Variants in LRRIQ1 observed in about 807,000 individuals in gnomAD.
LRRIQ1 encodes the protein leucine-rich repeat- and IQ domain-containing protein 1.
In LRRIQ1, 210 loss-of-function variants were observed where a neutral mutation model predicts 211.9. That is an observed-to-expected ratio of 0.99 (90% CI 0.89 to 1.11). The LOEUF is 1.11. Ranked by LOEUF, LRRIQ1 falls within the 50% of genes most tolerant of loss-of-function variation. The pLI, the probability that LRRIQ1 is intolerant of heterozygous loss-of-function variation, is 0.00. For missense variants in LRRIQ1, 2,136 were observed against 1,939.5 expected (o/e 1.10, Z -1.90); for synonymous variants, 699 against 650.1 (o/e 1.08, Z -1.14).
downstream of LRRIQ1, among the ~76,000 whole-genome samples, chr12:85,247,971 A>G (rs973068907): frequency 2.0e-5 from 3 of 151,696 alleles, no homozygotes; most frequent in Admixed American, 2.0e-4. Flanking sequence ...TATGGTTTAC[A>G]AAGTTATGAA....
At chr12:85,211,706 T>C (rs1269168844) in intron 24 of LRRIQ1, among the ~76,000 whole-genome samples, 3 of 152,208 alleles carry the variant, frequency 2.0e-5, no homozygotes, top group Non-Finnish European at 4.4e-5. Flanking sequence ...TCACAATTAA[T>C]AAAATTGATA....
rs200192265 is a variant in LRRIQ1, at chr12:85,056,513, A to G, written c.1720A>G (p.Ile574Val). 642 of 1,611,982 alleles carry G rather than the reference A, an allele frequency of 4.0e-4. No homozygotes were observed. Among genetic ancestry groups the G allele is most frequent in the Non-Finnish European group, 5.0e-4 (591 of 1,179,088 alleles). Residue 574 changes from isoleucine (I) to valine (V), a missense_variant, in exon 8 of 27, where the codon ATA (isoleucine) becomes GTA (valine). Physicochemically the swap from Ile to Val is conservative, Grantham distance 29. Coordinates refer to ENST00000393217, the MANE Select transcript of LRRIQ1 (RefSeq NM_001079910.2). ...GGTGAAAACCAATGAAGAGCAGAAA[A>G]TAATCAAAGATAATCAGCAGAAAAA... ...SEVKTNEEQK[I>V]IKDNQQKKIQ...
chr12:85,173,046 T>C (rs1318258906), intron 24 of LRRIQ1, among the ~76,000 whole-genome samples: 1 of 151,950 alleles, frequency 6.6e-6, no homozygotes, highest in African/African-American at 2.4e-5. Context: ...GAGGCAGAGG[T>C]TGCAGTGAGC....
chr12:85,200,382 T>C (rs563213497), intron 24 of LRRIQ1, among the ~76,000 whole-genome samples: 1 of 151,842 alleles, frequency 6.6e-6, no homozygotes, highest in Non-Finnish European at 1.5e-5. Context: ...GATTCTAGGG[T>C]TTTCTAGCTA....
At chr12:85,215,238 C>A (rs1245521682) in intron 24 of LRRIQ1, among the ~76,000 whole-genome samples, 1 of 152,170 alleles carries the variant, frequency 6.6e-6, no homozygotes, top group African/African-American at 2.4e-5. Flanking sequence ...ATTTGACAAA[C>A]AACTTTGACA....
chr12:85,094,216 C>T (rs1885663014), intron 11 of LRRIQ1, among the ~76,000 whole-genome samples: 1 of 152,176 alleles, frequency 6.6e-6, no homozygotes, highest in Admixed American at 6.5e-5. Flanking sequence ...ACATAAGCAA[C>T]ACACTTTGCA....
chr12:85,224,034 T>C lies in LRRIQ1; in HGVS notation c.4823-5483T>C, dbSNP rs186065961. ...ATTGGTGAGACCTTTTAAAACCATT[T>C]GACAATATAGATTATATCAAATTCT... On this transcript the variant is annotated intron_variant, in intron 24 of 26. Transcript: ENST00000393217. Among the ~76,000 whole-genome samples the C allele has an allele frequency of 8.7e-4, 132 of 152,178 alleles. 1 individual carries two copies. The highest frequency in any genetic ancestry group is 3.1e-3 in the African/African-American group (128 of 41,528).
intron 1 of LRRIQ1, among the ~76,000 whole-genome samples, chr12:85,261,096 T>C (rs1055892875): frequency 3.3e-5 from 5 of 152,192 alleles, no homozygotes; most frequent in Non-Finnish European, 7.4e-5. Context: ...CCTTCACAAG[T>C]GCCAACCATG....
chr12:85,072,950 G>C lies in LRRIQ1; in HGVS notation c.2739G>C (p.Gly913=), dbSNP rs201797900. The C allele has an allele frequency of 1.9e-6, 3 of 1,611,952 alleles. No individual in the cohort carries two copies. The African/African-American group carries it at 4.0e-5, about 22-fold the overall frequency. Reference sequence around the variant, plus strand: ...AAGAAAAACTTGTTGACAATGCAGGGTTCTGCCATCACTTGGGCACCTCCA... The same window carrying C: ...AAGAAAAACTTGTTGACAATGCAGGCTTCTGCCATCACTTGGGCACCTCCA... ...FLEEKLVDNA[G]FCHHLGTSTS... Residue 913 remains glycine, a synonymous_variant, in exon 11 of 27, where the codon GGG becomes GGC. Transcript: ENST00000393217.
chr12:85,051,052 T>C (rs1437594026), intron 6 of LRRIQ1, among the ~76,000 whole-genome samples: 2 of 152,152 alleles, frequency 1.3e-5, no homozygotes, highest in Non-Finnish European at 2.9e-5. Context: ...GTGGGAAGTA[T>C]TTGTGTCATG....
At chr12:85,196,313 T>C (rs1220606497) in intron 24 of LRRIQ1, among the ~76,000 whole-genome samples, 2 of 152,092 alleles carry the variant, frequency 1.3e-5, no homozygotes, top group African/African-American at 4.8e-5. Context: ...CTTCACAGAA[T>C]TGGAAAAAAC....
intron 24 of LRRIQ1, among the ~76,000 whole-genome samples, chr12:85,189,100 GA>G (rs1322904527): frequency 6.6e-6 from 1 of 151,932 alleles, no homozygotes; most frequent in Non-Finnish European, 1.5e-5. Context: ...AAAAATCCCA[GA>G]AAAAAACATA....
intron 15 of LRRIQ1, among the ~76,000 whole-genome samples, chr12:85,118,802 C>T (rs545210640): frequency 1.3e-5 from 2 of 152,086 alleles, no homozygotes; most frequent in East Asian, 1.9e-4. Flanking sequence ...TTAATAATCT[C>T]GCTTTGTCAT....
intron 24 of LRRIQ1, among the ~76,000 whole-genome samples, chr12:85,190,355 CTG>C (rs1056247122): frequency 6.6e-5 from 9 of 137,234 alleles, no homozygotes; most frequent in East Asian, 2.1e-4. Flanking sequence ...AAATTATTAA[CTG>C]TAACTATACA....
chr12:85,198,499 C>T (rs1308778840), intron 24 of LRRIQ1, among the ~76,000 whole-genome samples: 1 of 151,844 alleles, frequency 6.6e-6, no homozygotes, highest in African/African-American at 2.4e-5. Context: ...TATTAATAGC[C>T]ATTCCTACTG....
At chr12:85,055,497 C>T in intron 7 of LRRIQ1, 50 bp from the exon 8 acceptor site, 2 of 1,299,894 alleles carry the variant, frequency 1.5e-6, no homozygotes, top group East Asian at 2.7e-5. Context: ...ATTTTAGTAA[C>T]ATCTCATGTT....
chr12:85,099,058 T>C, intron 13 of LRRIQ1, 64 bp downstream of exon 13: 2 of 1,107,298 alleles, frequency 1.8e-6, no homozygotes, highest in Non-Finnish European at 2.5e-6. Context: ...GTGATGTTCA[T>C]AAACTACCAT....
chr12:85,187,207 A>G (rs1892267335), intron 24 of LRRIQ1, among the ~76,000 whole-genome samples: 1 of 152,178 alleles, frequency 6.6e-6, no homozygotes, highest in African/African-American at 2.4e-5. Flanking sequence ...TGTTGCATGC[A>G]CAGCAACCTG....
intron 19 of LRRIQ1, among the ~76,000 whole-genome samples, chr12:85,149,844 G>A (rs935372883): frequency 6.6e-6 from 1 of 151,610 alleles, no homozygotes; most frequent in Non-Finnish European, 1.5e-5. Context: ...ATTGTTCTGG[G>A]ATTCTATAAA....
Sources: gnomAD v4.1 joint callset for allele counts (sites outside exome capture counted in the v4.1 genomes callset) on GRCh38, gnomAD v4.1.1 for gene constraint, MANE v1.5 for transcripts, NCBI Gene and HGNC (gene_info 2026-07-23, HGNC 2026-07-21) for gene names.